BCL2L15: variants seen among roughly 807,000 people sequenced by gnomAD.
The protein encoded by BCL2L15 is bcl-2-like protein 15.
In BCL2L15, 15 loss-of-function variants were observed where a neutral mutation model predicts 18.3. That is an observed-to-expected ratio of 0.82 (90% CI 0.55 to 1.26). BCL2L15 has a LOEUF of 1.26. Ranked by LOEUF, BCL2L15 falls within the 50% of genes most tolerant of loss-of-function variation. The pLI, the probability that BCL2L15 is intolerant of heterozygous loss-of-function variation, is 0.00. For synonymous variants in BCL2L15, 58 were observed against 68.5 expected, an observed-to-expected ratio of 0.85 and a Z score of 0.76; for missense variants, 180 against 201.7, an observed-to-expected ratio of 0.89 and a Z score of 0.65.
rs1029364391 is a variant in BCL2L15, at chr1:113,879,463, A to C, written c.*1660T>G. On this transcript the variant is annotated 3_prime_UTR_variant, in exon 4 of 4. Transcript: ENST00000393316. ...TTTGCTTCCAATCACTCTCACTTGT[A>C]GGGCCAGAGAAATGGACTACTCAGG... 1 of 152,400 alleles carries C rather than the reference A, an allele frequency of 6.6e-6. No homozygotes were observed. The highest frequency in any genetic ancestry group is 1.5e-5 in the Non-Finnish European group (1 of 68,058). The allele number at this position is 152,400 out of a possible 1,614,324, so 9.4% of individuals were successfully genotyped here.
chr1:113,879,240 T>C lies in BCL2L15; in HGVS notation c.*1883A>G, dbSNP rs895549713. The C allele has an allele frequency of 3.3e-5, 5 of 152,362 alleles. No individual in the cohort carries two copies. The highest frequency in any genetic ancestry group is 7.3e-5 in the Non-Finnish European group (5 of 68,044). 9.4% of individuals were successfully genotyped at this position (152,362 alleles called of 1,614,324 possible). ...AGGAGATACATAGATGGCTGGCTGA[T>C]AGAGGGGAAGTGGTTAGCTTTGTTA... is the stretch of plus-strand genomic sequence containing the variant. On this transcript the variant is annotated 3_prime_UTR_variant, in exon 4 of 4. Coordinates refer to ENST00000393316, the MANE Select transcript of BCL2L15 (RefSeq NM_001010922.3).
intron 2 of BCL2L15, 22 bp downstream of exon 2, chr1:113,886,515 T>C (rs200968967): frequency 1.6e-5 from 25 of 1,594,614 alleles, no homozygotes; most frequent in African/African-American, 1.4e-5. Context: ...CAGCAAACAA[T>C]AGCATGAAGT....
chr1:113,886,110 G>T (rs1667025773), intron 2 of BCL2L15, among the ~76,000 whole-genome samples: 1 of 151,516 alleles, frequency 6.6e-6, no homozygotes, highest in Non-Finnish European at 1.5e-5. Context: ...CAGCTACTCA[G>T]GAGGCTGCAG....
chr1:113,886,687 A>G, intron 1 of BCL2L15, 29 bp from the exon 2 acceptor site: 1 of 1,572,464 alleles, frequency 6.4e-7, no homozygotes. Context: ...ATTTGTTACA[A>G]TGCTTGAAGC....
At chr1:113,885,207 C>T (rs1464158421) in intron 2 of BCL2L15, among the ~76,000 whole-genome samples, 50 of 151,666 alleles carry the variant, frequency 3.3e-4, no homozygotes, top group African/African-American at 9.7e-5. Context: ...CCGCCCCTCT[C>T]GGCCTCCCAA....
rs1553255591 is a variant in BCL2L15, at chr1:113,879,922, G to GTCACACTCTATATGTACATA, written c.*1200_*1201insTATGTACATATAGAGTGTGA. 6.6e-6 allele frequency: 1 copy of GTCACACTCTATATGTACATA among 152,202 alleles called. No homozygotes were observed. The highest frequency in any genetic ancestry group is 1.5e-5 in the Non-Finnish European group (1 of 68,034). 9.4% of individuals were successfully genotyped at this position (152,202 alleles called of 1,614,324 possible). ...CAATCTATTCTCTATAGTGATGGCTGTCACACTCTATATGTACATCAGAAT... is the reference window on the plus strand; with the variant it reads ...CAATCTATTCTCTATAGTGATGGCTGTCACACTCTATATGTACATATCACACTCTATATGTACATCAGAAT... On this transcript the variant is annotated 3_prime_UTR_variant, in exon 4 of 4. Transcript: ENST00000393316.
In BCL2L15 at chr1:113,880,968, T is replaced by G. The variant is rs1179448562; in HGVS notation, c.*155A>C. The stretch of plus-strand genomic sequence containing the variant: ...CAGGCCTCTGGCAGCTGCTCCCAAC[T>G]TTAACAATCAGTAAAAAATAACTTA... On this transcript the variant is annotated 3_prime_UTR_variant, in exon 4 of 4. Transcript: ENST00000393316. 4.5e-6 allele frequency: 5 copies of G among 1,123,260 alleles called. No homozygotes were observed. Among genetic ancestry groups the G allele is most frequent in the Non-Finnish European group, 6.4e-6 (5 of 775,916 alleles). The allele number at this position is 1,123,260 out of a possible 1,614,324, so 69.6% of individuals were successfully genotyped here.
chr1:113,887,414 C>G lies in BCL2L15; in HGVS notation c.-39G>C. 1.2e-6 allele frequency: 2 copies of G among 1,613,160 alleles called. No individual in the cohort carries two copies. Among genetic ancestry groups the G allele is most frequent in the Non-Finnish European group, 1.7e-6 (2 of 1,179,398 alleles). On this transcript the variant is annotated 5_prime_UTR_variant, in exon 1 of 4. Coordinates refer to ENST00000393316, the MANE Select transcript of BCL2L15 (RefSeq NM_001010922.3). ...TGTCAAGTTTTGCTTTTCCACGAAA[C>G]AAGCAGTTTTCAGCCCAGCAGGAAG... is the stretch of plus-strand genomic sequence containing the variant.
chr1:113,884,920 G>A (rs1666982044), intron 2 of BCL2L15, among the ~76,000 whole-genome samples: 1 of 151,740 alleles, frequency 6.6e-6, no homozygotes, highest in African/African-American at 2.4e-5. Context: ...TTACAGTTGT[G>A]TGCCACCATG....
intron 2 of BCL2L15, among the ~76,000 whole-genome samples, chr1:113,882,515 C>T (rs1666905793): frequency 6.6e-6 from 1 of 151,872 alleles, no homozygotes; most frequent in South Asian, 2.1e-4. Flanking sequence ...CATGGTGGTA[C>T]AGGCCTGTAA....
rs780147699 is a variant in BCL2L15, at chr1:113,887,300, T to C, written c.76A>G (p.Thr26Ala). ...NTLLMDFLSP[T>A]LQVASRNLCC... Reference sequence around the variant, plus strand: ...AGGTTCCGGCTGGCAACCTGCAATGTTGGGCTCAAGAAGTCCATGAGTAGA... The same window carrying C: ...AGGTTCCGGCTGGCAACCTGCAATGCTGGGCTCAAGAAGTCCATGAGTAGA... The change falls in exon 1 of 4, where the codon ACA becomes GCA. Residue 26 changes from threonine (T) to alanine (A), a missense_variant. Physicochemically the swap from Thr to Ala is moderately conservative, Grantham distance 58. Transcript: ENST00000393316. 6.8e-6 allele frequency: 11 copies of C among 1,614,090 alleles called. No homozygotes were observed. Among genetic ancestry groups the C allele is most frequent in the Admixed American group, 5.0e-5 (3 of 60,006 alleles).
intron 3 of BCL2L15, 78 bp downstream of exon 3, chr1:113,881,695 G>A: frequency 6.7e-7 from 1 of 1,483,796 alleles, no homozygotes; most frequent in Non-Finnish European, 9.0e-7. Context: ...TACAAAAAGG[G>A]TCATGAATTG....
intron 3 of BCL2L15, 136 bp downstream of exon 3, chr1:113,881,637 G>A (rs1320793475): frequency 1.3e-5 from 19 of 1,438,844 alleles, no homozygotes; most frequent in Non-Finnish European, 1.7e-5. Flanking sequence ...GAAAATCTAG[G>A]CATTTTCAGC....
At chr1:113,881,616 T>C in intron 3 of BCL2L15, 157 bp downstream of exon 3, 1 of 1,435,418 alleles carries the variant, frequency 7.0e-7, no homozygotes. Flanking sequence ...TGCTCCATTT[T>C]TCCATGGCAA....
At chr1:113,887,159 A>G in intron 1 of BCL2L15, 90 bp downstream of exon 1, 1 of 1,310,182 alleles carries the variant, frequency 7.6e-7, no homozygotes, top group African/African-American at 1.5e-5. Flanking sequence ...TGGCCTCCCA[A>G]AGTGCTGGGA....
chr1:113,877,133 A>C lies in BCL2L15; in HGVS notation c.*3990T>G, dbSNP rs1035438539. Among the ~76,000 whole-genome samples the C allele has an allele frequency of 7.2e-5, 11 of 152,144 alleles. No individual in the cohort carries two copies. The highest frequency in any genetic ancestry group is 8.8e-5 in the Non-Finnish European group (6 of 68,022). ...AGATGTCTACAGGTAGAGCCTCAGA[A>C]AAAGGAATATGAAACATAGGGAACA... On this transcript the variant is annotated 3_prime_UTR_variant, in exon 4 of 4. Transcript: ENST00000393316.
chr1:113,882,370 G>A (rs2476594), intron 2 of BCL2L15, among the ~76,000 whole-genome samples: 2 of 152,134 alleles, frequency 1.3e-5, no homozygotes, highest in Non-Finnish European at 2.9e-5. Flanking sequence ...AAAGGCCGGG[G>A]GCAGTGGCTC....
chr1:113,880,507 T>C lies in BCL2L15; in HGVS notation c.*616A>G, dbSNP rs1666846400. On this transcript the variant is annotated 3_prime_UTR_variant, in exon 4 of 4. Coordinates refer to ENST00000393316, the MANE Select transcript of BCL2L15 (RefSeq NM_001010922.3). ...CGGGCGTGATGGCGGGCTCCTGTAG[T>C]CCCAGCTACTCAGGAGGCTGAGGCA... The C allele has an allele frequency of 6.6e-6, 1 of 152,154 alleles. No individual in the cohort carries two copies. The highest frequency in any genetic ancestry group is 6.6e-5 in the Admixed American group (1 of 15,258). 9.4% of individuals were successfully genotyped at this position (152,154 alleles called of 1,614,324 possible).
Position 113,878,691 on chromosome 1 carries a change from C to T in BCL2L15, c.*2432G>A, listed in dbSNP as rs11102691. 32,948 of 152,228 alleles carry T rather than the reference C, an allele frequency of 0.22. 4,529 individuals carry two copies. The highest frequency in any genetic ancestry group is 0.61 in the East Asian group (3,239 of 5,304). 9.4% of individuals were successfully genotyped at this position (152,228 alleles called of 1,614,324 possible). ...TGAAGTCAAATACCACAAAACTCAT[C>T]ATCTTGAGTTTATAGTAACATAAGG... On this transcript the variant is annotated 3_prime_UTR_variant, in exon 4 of 4. Transcript: ENST00000393316.
Sources: gnomAD v4.1 joint callset for allele counts (sites outside exome capture counted in the v4.1 genomes callset) on GRCh38, gnomAD v4.1.1 for gene constraint, MANE v1.5 for transcripts, NCBI Gene and HGNC (gene_info 2026-07-23, HGNC 2026-07-21) for gene names.